The following CPLANE1 variants were observed in gnomAD, a reference collection of about 807,000 sequenced individuals.
CPLANE1 encodes the protein ciliogenesis and planar polarity effector 1.
CPLANE1 carries 263 observed loss-of-function variants against 362.5 expected under a neutral mutation model. That is an observed-to-expected ratio of 0.73 (90% CI 0.66 to 0.80). CPLANE1 has a LOEUF of 0.80. CPLANE1 is among the 30% of genes least tolerant of loss of function. The probability of loss-of-function intolerance (pLI) is 0.00; values close to 1 mark genes in which losing one functional copy is unlikely to be tolerated. For synonymous variants in CPLANE1, 1,212 were observed against 1,302.6 expected, an observed-to-expected ratio of 0.93 and a Z score of 1.50; for missense variants, 3,461 against 3,793.4, an observed-to-expected ratio of 0.91 and a Z score of 2.30.
rs2150443880 is a variant in CPLANE1, at chr5:37,227,061, C to T, written c.1534G>A (p.Glu512Lys). ...AAGTGTCTGCCTTCGTTAGTTTCTT[C>T]TGCTTCAAAATCCTAAAACATGAGG... ...NAADFQDFEA[E>K]ETNEGRHFPD... Residue 512 changes from glutamate (E) to lysine (K), a missense_variant, in exon 12 of 53, where the codon GAA becomes AAA. Transcript: ENST00000651892. The T allele has an allele frequency of 6.5e-7, 1 of 1,543,594 alleles. No individual in the cohort carries two copies. Among genetic ancestry groups the T allele is most frequent in the African/African-American group, 1.4e-5 (1 of 72,742 alleles).
In CPLANE1 at chr5:37,125,423, C is replaced by T. The variant is rs1195296943; in HGVS notation, c.8793-14G>A. Reference sequence around the variant, plus strand: ...TAATGCTGAATTCTGAGAAATTTAACAAGCAAGACATCATTTGCTTTTAAA... The same window carrying T: ...TAATGCTGAATTCTGAGAAATTTAATAAGCAAGACATCATTTGCTTTTAAA... On this transcript the variant is annotated splice_polypyrimidine_tract_variant and intron_variant, in intron 46 of 52. Coordinates refer to ENST00000651892, the MANE Select transcript of CPLANE1 (RefSeq NM_001384732.1). 6.2e-7 allele frequency: 1 copy of T among 1,608,388 alleles called. No individual in the cohort carries two copies.
chr5:37,155,995 G>C (rs967954673), intron 41 of CPLANE1, among the ~76,000 whole-genome samples: 1 of 152,182 alleles, frequency 6.6e-6, no homozygotes, highest in African/African-American at 2.4e-5. Flanking sequence ...TGACAGAAGA[G>C]AGAAGATGAA....
At chr5:37,147,087 T>C (rs537528782) in intron 43 of CPLANE1, among the ~76,000 whole-genome samples, 1 of 152,234 alleles carries the variant, frequency 6.6e-6, no homozygotes, top group African/African-American at 2.4e-5. Flanking sequence ...TTCTAAGAAA[T>C]GAACGGATCA....
At chr5:37,227,914 T>C in intron 9 of CPLANE1, 97 bp from the exon 10 acceptor site, 2 of 1,222,452 alleles carry the variant, frequency 1.6e-6, no homozygotes, top group Non-Finnish European at 2.2e-6. Flanking sequence ...TACAGAACAA[T>C]GAAAAAGCAA....
chr5:37,099,671 T>C, the CPLANE1 span, among the ~76,000 whole-genome samples: 1 of 152,214 alleles, frequency 6.6e-6, no homozygotes. Flanking sequence ...ATGGGATTAC[T>C]GGGCCCAATG....
At chr5:37,086,920 C>T in the CPLANE1 span, among the ~76,000 whole-genome samples, 2 of 152,054 alleles carry the variant, frequency 1.3e-5, no homozygotes, top group Non-Finnish European at 2.9e-5. Context: ...CATGACGGAC[C>T]CCTTGAAATG....
chr5:37,229,841 T>G (rs577003007), intron 9 of CPLANE1, among the ~76,000 whole-genome samples: 136 of 152,252 alleles, frequency 8.9e-4, no homozygotes, highest in Non-Finnish European at 1.5e-3. Context: ...AAACTGAGGC[T>G]TAAAGAATAA....
chr5:37,185,000 C>G lies in CPLANE1; in HGVS notation c.4269G>C (p.Gln1423His), dbSNP rs1317786727. ...TCACTTCAAAAGAGCCTATATTTCT[C>G]TGCACACGTTTTAGAGCTTTCACCC... Reference protein sequence around the residue: ...KVRVKALKRVQRNIGSFEVNI... With the variant: ...KVRVKALKRVHRNIGSFEVNI... Residue 1423 changes from glutamine to histidine, a missense_variant, in exon 25 of 53, where the codon CAG becomes CAC. Physicochemically the swap from Gln to His is conservative, Grantham distance 24 (BLOSUM62 0). Around this residue, in one of 2 missense-constraint regions of CPLANE1, gnomAD observed 3,380 missense variants for 3,666.1 expected, o/e 0.92. Transcript: ENST00000651892. 18 of 1,613,976 alleles carry G rather than the reference C, an allele frequency of 1.1e-5. No individual in the cohort carries two copies. The highest frequency in any genetic ancestry group is 1.5e-5 in the Non-Finnish European group (18 of 1,179,980).
At chr5:37,145,110 C>T (rs1010446236) in intron 43 of CPLANE1, among the ~76,000 whole-genome samples, 1 of 152,082 alleles carries the variant, frequency 6.6e-6, no homozygotes, top group Non-Finnish European at 1.5e-5. Context: ...CTGAGACCAT[C>T]CTGGCCAACA....
chr5:37,212,495 C>CA (rs113291300), intron 16 of CPLANE1: 15,551 of 423,640 alleles, frequency 0.037, 8 homozygotes, highest in Middle Eastern at 0.049. Flanking sequence ...ATGTGTAATC[C>CA]AAAAAAAAAA....
Position 37,175,997 on chromosome 5 carries a change from A to C in CPLANE1, c.5901-11T>G. The C allele has an allele frequency of 6.3e-7, 1 of 1,579,276 alleles. No homozygotes were observed. Among genetic ancestry groups the C allele is most frequent in the Non-Finnish European group, 8.7e-7 (1 of 1,148,954 alleles). On this transcript the variant is annotated splice_polypyrimidine_tract_variant and intron_variant, in intron 30 of 52. Coordinates refer to ENST00000651892, the MANE Select transcript of CPLANE1 (RefSeq NM_001384732.1). ...AAGGCTTCGATCATACTATCAATAA[A>C]AATTAACAGGTGATTAGTAAGCAAG...
Position 37,224,704 on chromosome 5 carries a change from A to G in CPLANE1, c.2328T>C (p.Thr776=). The part of the protein sequence containing the change: ...LILWRILYKK[T]LWYQAQLNRR... ...GATTTAATTGTGCTTGATACCATAA[A>G]GTTTTTTTGTACAGTATTCTCCAGA... Residue 776 remains threonine, a synonymous_variant, in exon 13 of 53, where the codon ACT becomes ACC. Coordinates refer to ENST00000651892, the MANE Select transcript of CPLANE1 (RefSeq NM_001384732.1). 1 of 1,551,504 alleles carries G rather than the reference A, an allele frequency of 6.4e-7. No individual in the cohort carries two copies. Among genetic ancestry groups the G allele is most frequent in the Non-Finnish European group, 8.7e-7 (1 of 1,146,836 alleles).
chr5:37,191,029 T>C (rs1785401296), intron 21 of CPLANE1, among the ~76,000 whole-genome samples: 1 of 152,184 alleles, frequency 6.6e-6, no homozygotes. Flanking sequence ...CAGGAGTTAT[T>C]CTAGAAGAAG....
Position 37,249,353 on chromosome 5 carries a change from G to A in CPLANE1, c.-156C>T, listed in dbSNP as rs1393773973. 1 of 152,390 alleles carries A rather than the reference G, an allele frequency of 6.6e-6. No individual in the cohort carries two copies. The highest frequency in any genetic ancestry group is 1.5e-5 in the Non-Finnish European group (1 of 68,184). 9.4% of individuals were successfully genotyped at this position (152,390 alleles called of 1,614,324 possible). On this transcript the variant is annotated 5_prime_UTR_variant, in exon 1 of 53. Coordinates refer to ENST00000651892, the MANE Select transcript of CPLANE1 (RefSeq NM_001384732.1). The stretch of plus-strand genomic sequence containing the variant: ...AGCTGCGGGCCCTACCGCCAGCCCT[G>A]ACGCGAGCCTGCGTCCTGGCGACGG...
chr5:37,234,489 G>A (rs1798481242), intron 8 of CPLANE1, among the ~76,000 whole-genome samples: 1 of 146,946 alleles, frequency 6.8e-6, no homozygotes. Context: ...AAGAATCTCA[G>A]TCAGACAAAA....
At chr5:37,179,244 A>AT in intron 29 of CPLANE1, 117 bp downstream of exon 29, 1 of 701,504 alleles carries the variant, frequency 1.4e-6, no homozygotes, top group Non-Finnish European at 2.4e-6. Context: ...CCCATGGTGC[A>AT]TTTTTAAGAG....
chr5:37,107,366 G>T lies in CPLANE1; in HGVS notation c.*236C>A. On this transcript the variant is annotated 3_prime_UTR_variant, in exon 53 of 53. Coordinates refer to ENST00000651892, the MANE Select transcript of CPLANE1 (RefSeq NM_001384732.1). ...CATTTTAAAAATTATGCCTAATGAT[G>T]CATCAAATACAAAAACATATAATAC... The T allele has an allele frequency of 8.2e-7, 1 of 1,222,310 alleles. No individual in the cohort carries two copies. The highest frequency in any genetic ancestry group is 1.0e-6 in the Non-Finnish European group (1 of 980,244). 75.7% of individuals were successfully genotyped at this position (1,222,310 alleles called of 1,614,324 possible). A position where few individuals can be genotyped will look rare whatever the true frequency, so the allele number is the denominator to read the frequency against.
chr5:37,185,070 G>A lies in CPLANE1; in HGVS notation c.4199C>T (p.Thr1400Ile), dbSNP rs1783620493. The A allele has an allele frequency of 1.9e-6, 3 of 1,602,366 alleles. No homozygotes were observed. The highest frequency in any genetic ancestry group is 2.5e-6 in the Non-Finnish European group (3 of 1,176,508). ...CATGACAACAGACATCATTTCCTCA[G>A]TCTGGGGTCCTGGAAAGAAAAGAAT... ...LRHCVVKGPQ[T>I]EEMMSVVMHS... Residue 1400 changes from threonine to isoleucine, a missense_variant, in exon 25 of 53, where the codon ACT (threonine) becomes ATT (isoleucine). Transcript: ENST00000651892.
intron 51 of CPLANE1, among the ~76,000 whole-genome samples, chr5:37,109,728 T>C (rs1191737356): frequency 6.6e-6 from 1 of 152,174 alleles, no homozygotes; most frequent in Non-Finnish European, 1.5e-5. Flanking sequence ...GCAATTTCGG[T>C]TCGCTGCAAC....
Sources: allele counts gnomAD v4.1 joint callset (sites outside exome capture counted in the v4.1 genomes callset), GRCh38; gene constraint gnomAD v4.1.1; regional missense constraint gnomAD v4.1.1; transcripts MANE v1.5; gene names NCBI Gene and HGNC (gene_info 2026-07-23, HGNC 2026-07-21).